The following RAB3GAP2 variants were observed in gnomAD, a reference collection of about 807,000 sequenced individuals.
The protein encoded by RAB3GAP2 is RAB3 GTPase activating non-catalytic protein subunit 2, also known as rab3 GTPase-activating protein non-catalytic subunit.
Under a neutral mutation model 185.3 loss-of-function variants are expected in RAB3GAP2, and 87 were observed. The ratio of observed to expected loss-of-function variants is 0.47; its 90% CI spans 0.39 to 0.56. The LOEUF (loss-of-function observed/expected upper bound fraction) is 0.56, where lower values mean the gene tolerates loss of function less well. Ranked by LOEUF, RAB3GAP2 falls within the 20% of genes least tolerant of loss-of-function variation. The pLI, the probability that RAB3GAP2 is intolerant of heterozygous loss-of-function variation, is 0.00. For synonymous variants in RAB3GAP2, 554 were observed against 576.1 expected (o/e 0.96, Z 0.55); for missense variants, 1,492 against 1,638.2 (o/e 0.91, Z 1.54).
rs1335855669 is a variant in RAB3GAP2, at chr1:220,266,717, C to T, written c.115+5506G>A. The T allele has an allele frequency of 6.3e-6, 10 of 1,576,826 alleles. No individual in the cohort carries two copies. In the Admixed American group the frequency reaches 1.7e-4, roughly 26 times the overall value. On this transcript the variant is annotated intron_variant, in intron 1 of 34. Transcript: ENST00000358951. ...CCTGCACGATTCCTAAGAATACTTG[C>T]TAGTTGATTCTTTGTTTTGGCAATT...
chr1:220,217,659 G>A (rs1281864157), intron 2 of RAB3GAP2, among the ~76,000 whole-genome samples: 2 of 151,954 alleles, frequency 1.3e-5, no homozygotes, highest in African/African-American at 2.4e-5. Context: ...GAATATAGGA[G>A]TAAATAACAG....
At chr1:220,184,365 T>G (rs976104108) in intron 18 of RAB3GAP2, among the ~76,000 whole-genome samples, 1 of 152,024 alleles carries the variant, frequency 6.6e-6, no homozygotes, top group African/African-American at 2.4e-5. Context: ...TTAAATAAAA[T>G]AAGATGCTCT....
intron 1 of RAB3GAP2, among the ~76,000 whole-genome samples, chr1:220,236,370 G>T (rs1400595186): frequency 6.6e-6 from 1 of 152,020 alleles, no homozygotes; most frequent in East Asian, 1.9e-4. Context: ...AGAGACGGGG[G>T]TTTCACCATG....
chr1:220,175,720 C>G (rs935956177), intron 21 of RAB3GAP2, among the ~76,000 whole-genome samples: 7 of 152,236 alleles, frequency 4.6e-5, no homozygotes, highest in African/African-American at 1.4e-4. Flanking sequence ...CAACCAACCT[C>G]TCCTCTACCC....
intron 13 of RAB3GAP2, among the ~76,000 whole-genome samples, chr1:220,192,276 C>A (rs1334719071): frequency 2.0e-5 from 3 of 152,164 alleles, no homozygotes; most frequent in Non-Finnish European, 4.4e-5. Flanking sequence ...GTAAAGACTG[C>A]CTCTGTCTAT....
Position 220,172,745 on chromosome 1 carries a change from G to T in RAB3GAP2, c.2311-3C>A. The T allele has an allele frequency of 6.3e-7, 1 of 1,594,314 alleles. No individual in the cohort carries two copies. The highest frequency in any genetic ancestry group is 8.6e-7 in the Non-Finnish European group (1 of 1,162,120). On this transcript the variant is annotated splice_region_variant and splice_polypyrimidine_tract_variant and intron_variant, in intron 21 of 34. Coordinates refer to ENST00000358951, the MANE Select transcript of RAB3GAP2 (RefSeq NM_012414.4). The stretch of plus-strand genomic sequence containing the variant: ...AGCCAAACACTCAGGAGCAGAGACT[G>T]AAATCAAATTTAAATCTTTTTCAGT...
rs1658188238 is a variant in RAB3GAP2, at chr1:220,172,040, T to C, written c.2426A>G (p.Asp809Gly). ...SLLSKMKVAI[D>G]ETWDSQSVSP... is the part of the protein sequence containing the mutation. The stretch of plus-strand genomic sequence containing the variant: ...CACAGACTGAGAATCCCAGGTCTCA[T>C]CGATGGCCACTATAGGGATAGGAGA... The change falls in exon 23 of 35, where the codon GAT (aspartate) becomes GGT (glycine). Residue 809 changes from aspartate (D) to glycine (G), a missense_variant. Coordinates refer to ENST00000358951, the MANE Select transcript of RAB3GAP2 (RefSeq NM_012414.4). 1 of 1,614,152 alleles carries C rather than the reference T, an allele frequency of 6.2e-7. No individual in the cohort carries two copies. Among genetic ancestry groups the C allele is most frequent in the Non-Finnish European group, 8.5e-7 (1 of 1,180,002 alleles).
In RAB3GAP2 at chr1:220,216,474, T is replaced by C. The variant is rs76760024; in HGVS notation, c.181-2495A>G. ...CACATCACTCCTCATGATGGCTTGC[T>C]GTAAGCTGAGGACAACATTACCCGA... On this transcript the variant is annotated intron_variant, in intron 2 of 34. Coordinates refer to ENST00000358951, the MANE Select transcript of RAB3GAP2 (RefSeq NM_012414.4). 3.0e-3 allele frequency among the ~76,000 whole-genome samples: 455 copies of C among 152,340 alleles called. 1 individual carries two copies. The highest frequency in any genetic ancestry group is 0.01 in the Middle Eastern group (3 of 294).
intron 10 of RAB3GAP2, among the ~76,000 whole-genome samples, chr1:220,195,731 A>G (rs759953264): frequency 6.6e-6 from 1 of 152,344 alleles, no homozygotes. Context: ...CTTTAAATAT[A>G]TATATATGCA....
At chr1:220,199,435 T>A (rs745572536) in intron 9 of RAB3GAP2, among the ~76,000 whole-genome samples, 5 of 152,204 alleles carry the variant, frequency 3.3e-5, no homozygotes, top group Non-Finnish European at 5.9e-5. Context: ...ACTGTAACTT[T>A]CATATCAAAA....
Position 220,164,784 on chromosome 1 carries a change from C to CA in RAB3GAP2, c.3102dup (p.Val1035CysfsTer2). The CA allele has an allele frequency of 6.2e-7, 1 of 1,608,058 alleles. No homozygotes were observed. Among genetic ancestry groups the CA allele is most frequent in the Non-Finnish European group, 8.5e-7 (1 of 1,176,544 alleles). On this transcript the variant is annotated frameshift_variant, in exon 27 of 35. Transcript: ENST00000358951. LOFTEE classifies it high-confidence loss of function. ...TGCTTCAAGTGTTCTATTGACCTAA[C>CA]AAAAAAACGTGCTTCCTTACATACA...
chr1:220,157,688 G>C (rs1465278808), intron 30 of RAB3GAP2, 114 bp downstream of exon 30: 16 of 1,114,260 alleles, frequency 1.4e-5, no homozygotes, highest in Non-Finnish European at 1.9e-5. Context: ...TCAAAATTTA[G>C]AAATGAATGA....
intron 4 of RAB3GAP2, among the ~76,000 whole-genome samples, chr1:220,212,636 G>A (rs1363686207): frequency 6.6e-6 from 1 of 152,052 alleles, no homozygotes; most frequent in African/African-American, 2.4e-5. Context: ...TGGGACTACA[G>A]GTGTGCGCAT....
chr1:220,202,455 T>C, intron 8 of RAB3GAP2, 81 bp from the exon 9 acceptor site: 1 of 1,412,438 alleles, frequency 7.1e-7, no homozygotes, highest in South Asian at 1.2e-5. Flanking sequence ...ACCATACTAA[T>C]TTGTTATTCT....
chr1:220,224,739 A>T (rs561345174), intron 2 of RAB3GAP2, among the ~76,000 whole-genome samples: 52 of 152,302 alleles, frequency 3.4e-4, no homozygotes, highest in African/African-American at 1.2e-3. Flanking sequence ...AAAATGTGAG[A>T]GCTAGAAAAC....
intron 21 of RAB3GAP2, among the ~76,000 whole-genome samples, chr1:220,179,000 A>C (rs987195733): frequency 6.6e-6 from 1 of 152,192 alleles, no homozygotes; most frequent in African/African-American, 2.4e-5. Flanking sequence ...AACTCACTTC[A>C]CCTATAAAGG....
chr1:220,183,970 T>C (rs1422114422), intron 19 of RAB3GAP2, 66 bp downstream of exon 19: 25 of 1,316,416 alleles, frequency 1.9e-5, no homozygotes, highest in Non-Finnish European at 2.5e-5. Context: ...TCTTTACTAC[T>C]AATTTTAAAA....
intron 9 of RAB3GAP2, chr1:220,200,560 G>T (rs770101636): frequency 1.1e-5 from 6 of 529,080 alleles, no homozygotes; most frequent in Non-Finnish European, 7.7e-6. Context: ...GTAGGCTGGG[G>T]ATAAATGAAT....
At position 220,151,367 on chromosome 1, in the gene RAB3GAP2, T is replaced by C. The variant is rs1440075285; in HGVS notation, c.4066A>G (p.Thr1356Ala). 2 of 1,614,172 alleles carry C rather than the reference T, an allele frequency of 1.2e-6. No homozygotes were observed. Among genetic ancestry groups the C allele is most frequent in the African/African-American group, 1.3e-5 (1 of 75,044 alleles). The change falls in exon 35 of 35, where the codon ACA becomes GCA. Residue 1356 changes from threonine to alanine, a missense_variant. Transcript: ENST00000358951. Reference protein sequence around the residue: ...DLQNTEVPIATTAKLVNKVIE... With the variant: ...DLQNTEVPIAATAKLVNKVIE... ...ACTTTATTTACTAGTTTAGCTGTTGTTGCAATTGGCACTTCAGTGTTTTGA... is the reference window on the plus strand; with the variant it reads ...ACTTTATTTACTAGTTTAGCTGTTGCTGCAATTGGCACTTCAGTGTTTTGA...
Sources: gnomAD v4.1 joint callset for allele counts (sites outside exome capture counted in the v4.1 genomes callset) on GRCh38, gnomAD v4.1.1 for gene constraint, MANE v1.5 for transcripts, NCBI Gene and HGNC (gene_info 2026-07-23, HGNC 2026-07-21) for gene names.